Variants in ITPK1 observed in about 807,000 individuals in gnomAD.
ITPK1 encodes the protein inositol 1,3,4-trisphosphate 5/6-kinase.
ITPK1 carries 21 observed loss-of-function variants against 45.3 expected under a neutral mutation model. The observed-to-expected ratio is 0.46, with a 90% CI of 0.33 to 0.67. The LOEUF (loss-of-function observed/expected upper bound fraction) is 0.67, where lower values mean the gene tolerates loss of function less well. Ranked by LOEUF, ITPK1 falls within the 30% of genes least tolerant of loss-of-function variation. The pLI, the probability that ITPK1 is intolerant of heterozygous loss-of-function variation, is 0.02. For synonymous variants in ITPK1, 258 were observed against 253.6 expected (o/e 1.02, Z -0.16); for missense variants, 474 against 573.5 (o/e 0.83, Z 1.77).
chr14:93,088,173 C>T lies in ITPK1; in HGVS notation c.96-11554G>A, dbSNP rs911269712. The stretch of plus-strand genomic sequence containing the variant: ...AACACCAGTAATCCCCGAGCTCTCT[C>T]GTTCCCCACCCAGGCCTGCTCTCCC... On this transcript the variant is annotated intron_variant, in intron 2 of 10. Transcript: ENST00000267615. Among the ~76,000 whole-genome samples the T allele has an allele frequency of 2.0e-5, 3 of 152,134 alleles. No homozygotes were observed. In the East Asian group the frequency reaches 5.8e-4, roughly 29 times the overall value.
Position 92,958,428 on chromosome 14 carries a change from C to A in ITPK1, c.505-62G>T. 1 of 1,545,076 alleles carries A rather than the reference C, an allele frequency of 6.5e-7. No individual in the cohort carries two copies. Among genetic ancestry groups the A allele is most frequent in the African/African-American group, 1.4e-5 (1 of 73,728 alleles). On this transcript the variant is annotated intron_variant, in intron 7 of 10. Transcript: ENST00000267615. This position sits in a 1 kb window ranked among gnomAD's most constrained non-coding sequence, Gnocchi z 4.4. ...CACCACCTTCTCAGCCTCCAACACA[C>A]AGGTGTGTCACCTGTCCAGAGCACC... is the stretch of plus-strand genomic sequence containing the variant.
At chr14:92,999,455 G>T (rs571980495) in intron 4 of ITPK1, among the ~76,000 whole-genome samples, 1 of 152,220 alleles carries the variant, frequency 6.6e-6, no homozygotes, top group Admixed American at 6.5e-5. Flanking sequence ...TGGCCTGAGC[G>T]CCGAGCGGGT....
chr14:93,066,238 A>G, intron 3 of ITPK1: 1 of 455,842 alleles, frequency 2.2e-6, no homozygotes, highest in South Asian at 1.5e-5. Flanking sequence ...AGAGACCAGC[A>G]AGTCCCAGCC....
intron 4 of ITPK1, among the ~76,000 whole-genome samples, chr14:93,007,893 G>A (rs1566731068): frequency 6.6e-6 from 1 of 152,228 alleles, no homozygotes; most frequent in African/African-American, 2.4e-5. Context: ...AAAATGGCAC[G>A]TTGTCTGTGG....
chr14:93,028,776 G>T (rs746098685), intron 3 of ITPK1, among the ~76,000 whole-genome samples: 2 of 152,228 alleles, frequency 1.3e-5, no homozygotes, highest in African/African-American at 4.8e-5. Context: ...ACCGCCTTCA[G>T]GTTCAGCTTC....
intron 3 of ITPK1, among the ~76,000 whole-genome samples, chr14:93,062,775 A>G (rs1415272706): frequency 2.6e-5 from 4 of 152,216 alleles, no homozygotes; most frequent in African/African-American, 9.6e-5. Flanking sequence ...TGCCAGGCTC[A>G]CAGTCAAGGC....
Position 93,081,780 on chromosome 14 carries a change from G to A in ITPK1, c.96-5161C>T, listed in dbSNP as rs549149248. On this transcript the variant is annotated intron_variant, in intron 2 of 10. Coordinates refer to ENST00000267615, the MANE Select transcript of ITPK1 (RefSeq NM_014216.6). Reference sequence around the variant, plus strand: ...CTCTGGAAGCTTAAAGCCCTCTCAGGGGGCGGGGGCTGAGACGCAGGACAG... The same window carrying A: ...CTCTGGAAGCTTAAAGCCCTCTCAGAGGGCGGGGGCTGAGACGCAGGACAG... 3.3e-5 allele frequency among the ~76,000 whole-genome samples: 5 copies of A among 152,338 alleles called. No homozygotes were observed. The South Asian group carries it at 1.0e-3, about 32-fold the overall frequency.
intron 5 of ITPK1, among the ~76,000 whole-genome samples, chr14:92,991,572 G>A (rs1566720373): frequency 6.6e-6 from 1 of 152,030 alleles, no homozygotes; most frequent in African/African-American, 2.4e-5. Context: ...AGTGAACTAG[G>A]ACACACCCTG....
In ITPK1 at chr14:92,941,139, AC is replaced by A. The variant is rs2139688599; in HGVS notation, c.*421del. 1 of 1,209,598 alleles carries A rather than the reference AC, an allele frequency of 8.3e-7. No homozygotes were observed. The highest frequency in any genetic ancestry group is 1.6e-5 in the African/African-American group (1 of 63,464). The allele number at this position is 1,209,598 out of a possible 1,614,324, so 74.9% of individuals were successfully genotyped here. ...CAGAAGGGAAGCCACTCTCACATGCACCGATCAGCCTCCCACAGCCCGACAT... is the reference window on the plus strand; with the variant it reads ...CAGAAGGGAAGCCACTCTCACATGCACGATCAGCCTCCCACAGCCCGACAT... On this transcript the variant is annotated 3_prime_UTR_variant, in exon 11 of 11. Transcript: ENST00000267615.
intron 4 of ITPK1, among the ~76,000 whole-genome samples, chr14:93,007,226 G>A (rs541911341): frequency 6.6e-6 from 1 of 152,172 alleles, no homozygotes; most frequent in Non-Finnish European, 1.5e-5. Flanking sequence ...ACCCCTACAT[G>A]CATTCCCACG....
Position 92,940,282 on chromosome 14 carries a change from G to C in ITPK1, c.*1279C>G, listed in dbSNP as rs1032303155. On this transcript the variant is annotated 3_prime_UTR_variant, in exon 11 of 11. Transcript: ENST00000267615. ...TCTTAAGACACAAAAACATACTTGT[G>C]GGGGCTGATGCCTCTCACCCAGCAC... 33 of 988,154 alleles carry C rather than the reference G, an allele frequency of 3.3e-5. No homozygotes were observed. Among genetic ancestry groups the C allele is most frequent in the Non-Finnish European group, 3.5e-5 (29 of 831,742 alleles). 61.2% of individuals were successfully genotyped at this position (988,154 alleles called of 1,614,324 possible).
intron 7 of ITPK1, among the ~76,000 whole-genome samples, chr14:92,961,988 G>C (rs560221057): frequency 3.9e-5 from 6 of 152,362 alleles, no homozygotes; most frequent in African/African-American, 1.4e-4. Flanking sequence ...CTGGCACCTT[G>C]ACCTGGGACT....
chr14:93,015,670 G>A (rs895369228), intron 4 of ITPK1, among the ~76,000 whole-genome samples: 2 of 152,234 alleles, frequency 1.3e-5, no homozygotes, highest in Non-Finnish European at 2.9e-5. Flanking sequence ...GGGGATGCCA[G>A]GAGCAGGCTG....
intron 2 of ITPK1, among the ~76,000 whole-genome samples, chr14:93,077,628 C>T (rs1891279692): frequency 6.6e-6 from 1 of 152,206 alleles, no homozygotes; most frequent in African/African-American, 2.4e-5. Flanking sequence ...TCCCCCATCC[C>T]ACATTTCTTA....
intron 2 of ITPK1, among the ~76,000 whole-genome samples, chr14:93,095,118 G>A (rs2140012510): frequency 6.6e-6 from 1 of 152,164 alleles, no homozygotes; most frequent in African/African-American, 2.4e-5. Context: ...GGGCTCCCGG[G>A]GTGCAGGAGG....
intron 2 of ITPK1, among the ~76,000 whole-genome samples, chr14:93,105,997 G>A (rs1892509167): frequency 6.6e-6 from 1 of 152,102 alleles, no homozygotes; most frequent in African/African-American, 2.4e-5. Flanking sequence ...GAGCCACCAC[G>A]CCCATCCCCT....
At position 93,076,694 on chromosome 14, in the gene ITPK1, C is replaced by T. The variant is rs1297102401; in HGVS notation, c.96-75G>A. On this transcript the variant is annotated intron_variant, in intron 2 of 10. Coordinates refer to ENST00000267615, the MANE Select transcript of ITPK1 (RefSeq NM_014216.6). This position sits in a 1 kb window ranked among gnomAD's most constrained non-coding sequence, Gnocchi z 4.3. The stretch of plus-strand genomic sequence containing the variant: ...GTCCTTTCCGAAGGTTCCCGACAGC[C>T]GGCTGAGGGCAGGACCATGAGAGGG... 45 of 1,581,232 alleles carry T rather than the reference C, an allele frequency of 2.8e-5. No individual in the cohort carries two copies. The Admixed American group carries it at 3.7e-4, about 13-fold the overall frequency.
chr14:93,058,290 T>C (rs998059304), intron 3 of ITPK1, among the ~76,000 whole-genome samples: 1 of 149,204 alleles, frequency 6.7e-6, no homozygotes, highest in Non-Finnish European at 1.5e-5. Flanking sequence ...TGCGGGACTC[T>C]GGGTAGGGAC....
At chr14:93,013,514 A>T (rs1240204153) in intron 4 of ITPK1, among the ~76,000 whole-genome samples, 1 of 151,958 alleles carries the variant, frequency 6.6e-6, no homozygotes, top group African/African-American at 2.4e-5. Context: ...GCCCTGAGGA[A>T]CATCTCAGAA....
Sources: allele counts gnomAD v4.1 joint callset (sites outside exome capture counted in the v4.1 genomes callset), GRCh38; gene constraint gnomAD v4.1.1; non-coding constraint Gnocchi (gnomAD v3.1); transcripts MANE v1.5; gene names NCBI Gene and HGNC (gene_info 2026-07-23, HGNC 2026-07-21).